The following COL4A5 variants were observed in gnomAD, a reference collection of about 807,000 sequenced individuals.
COL4A5 encodes the protein collagen alpha-5(IV) chain.
In COL4A5, 26 loss-of-function variants were observed where a neutral mutation model predicts 130.2. The observed-to-expected ratio is 0.20, with a 90% confidence interval of 0.15 to 0.28. The LOEUF is 0.28. COL4A5 is among the 10% of genes least tolerant of loss of function. COL4A5 has a pLI of 1.00. For missense variants in COL4A5, 1,131 were observed against 1,344.3 expected, an observed-to-expected ratio of 0.84 and a Z score of 2.48; for synonymous variants, 496 against 439.6, an observed-to-expected ratio of 1.13 and a Z score of -1.60.
intron 1 of COL4A5, among the ~76,000 whole-genome samples, chrX:108,472,181 A>T (rs984661241): frequency 9.0e-6 from 1 of 111,448 alleles, no homozygotes; most frequent in Non-Finnish European, 1.9e-5. Flanking sequence ...TTGTAGTTTA[A>T]TTCCATTGTG....
intron 29 of COL4A5, among the ~76,000 whole-genome samples, chrX:108,608,580 CA>C (rs2066774787): frequency 9.0e-6 from 1 of 111,115 alleles, no homozygotes; most frequent in African/African-American, 3.3e-5. Context: ...AAATAAATTA[CA>C]ACAACAATAT....
Position 108,475,732 on chromosome X carries a change from A to G in COL4A5, c.81+35526A>G, listed in dbSNP as rs779105214. 2.7e-5 allele frequency among the ~76,000 whole-genome samples: 3 copies of G among 111,187 alleles called. No homozygotes were observed. In the South Asian group the frequency reaches 1.2e-3, roughly 43 times the overall value. ...CAGGCCTAGAGCCCCTTCATGTTTT[A>G]CTAACTCTGGCACCAAAACTCAATT... On this transcript the variant is annotated intron_variant, in intron 1 of 52. Coordinates refer to ENST00000328300, the MANE Select transcript of COL4A5 (RefSeq NM_033380.3).
intron 1 of COL4A5, among the ~76,000 whole-genome samples, chrX:108,459,822 G>C (rs2064624830): frequency 8.9e-6 from 1 of 111,983 alleles, no homozygotes; most frequent in Non-Finnish European, 1.9e-5. Context: ...TGCCTGTGAA[G>C]TCTAAAAAGA....
chrX:108,474,369 C>T (rs774506550), intron 1 of COL4A5, among the ~76,000 whole-genome samples: 6 of 111,875 alleles, frequency 5.4e-5, no homozygotes, highest in African/African-American at 1.6e-4. Context: ...CATTGTGTTA[C>T]AGTTGCCTAC....
At chrX:108,446,911 C>G (rs1677897312) in intron 1 of COL4A5, among the ~76,000 whole-genome samples, 2 of 111,651 alleles carry the variant, frequency 1.8e-5, no homozygotes, top group Non-Finnish European at 3.8e-5. Flanking sequence ...GGCCGTTCAT[C>G]CTTAAGGGCT....
chrX:108,470,710 T>A (rs1248115932), intron 1 of COL4A5, among the ~76,000 whole-genome samples: 5 of 111,447 alleles, frequency 4.5e-5, no homozygotes, highest in Non-Finnish European at 9.4e-5. Context: ...TAGTCATAAA[T>A]TATTTCCCAA....
chrX:108,505,113 T>C (rs1447611805), intron 1 of COL4A5, among the ~76,000 whole-genome samples: 2 of 111,679 alleles, frequency 1.8e-5, no homozygotes, highest in Non-Finnish European at 3.8e-5. Flanking sequence ...GCCATTATTT[T>C]AAGTGATGTA....
In COL4A5 at chrX:108,685,104, C is replaced by T. The variant is rs745802799; in HGVS notation, c.4217-927C>T. 3.6e-5 allele frequency among the ~76,000 whole-genome samples: 4 copies of T among 112,210 alleles called. No homozygotes were observed. The South Asian group carries it at 1.5e-3, about 41-fold the overall frequency. On this transcript the variant is annotated intron_variant, in intron 47 of 52. Coordinates refer to ENST00000328300, the MANE Select transcript of COL4A5 (RefSeq NM_033380.3). ...AAGTAGGTATTGATGGAACATATCT[C>T]AAAATAATAAGAGCTATTTATGACA...
rs193038575 is a variant in COL4A5, at chrX:108,507,314, A to C, written c.82-32432A>C. Among the ~76,000 whole-genome samples, 377 of 110,481 alleles carry C rather than the reference A, an allele frequency of 3.4e-3. 1 individual carries two copies. The highest frequency in any genetic ancestry group is 5.8e-3 in the Non-Finnish European group (305 of 52,826). The stretch of plus-strand genomic sequence containing the variant: ...CAATGTCCCTGAACATCAGTGCAAA[A>C]ATCCTCAACAATATAGTTGCACACA... On this transcript the variant is annotated intron_variant, in intron 1 of 52. Transcript: ENST00000328300.
intron 1 of COL4A5, among the ~76,000 whole-genome samples, chrX:108,483,233 GTGTGTGTGTGTGTGTA>G (rs2064910028): frequency 9.1e-6 from 1 of 110,321 alleles, no homozygotes; most frequent in African/African-American, 3.3e-5. Context: ...ATGTGTGTGT[GTGTGTGTGTGTGTGTA>G]TGTAAAGGGG....
intron 1 of COL4A5, 152 bp downstream of exon 1, chrX:108,440,358 A>G: frequency 1.1e-5 from 5 of 469,675 alleles, no homozygotes; most frequent in Non-Finnish European, 1.9e-5. Flanking sequence ...CGTTATTTGC[A>G]ACACCGGTAA....
chrX:108,444,673 C>T (rs1450944978), intron 1 of COL4A5, among the ~76,000 whole-genome samples: 1 of 111,788 alleles, frequency 8.9e-6, no homozygotes, highest in Non-Finnish European at 1.9e-5. Context: ...GCCTCTAGGC[C>T]CTCTCAGCAG....
chrX:108,578,620 C>A (rs1408829768), intron 13 of COL4A5, among the ~76,000 whole-genome samples: 1 of 109,022 alleles, frequency 9.2e-6, no homozygotes, highest in East Asian at 2.8e-4. Flanking sequence ...GCATTATAAG[C>A]TGAAATGTGG....
intron 3 of COL4A5, among the ~76,000 whole-genome samples, chrX:108,562,489 A>G (rs1167626944): frequency 8.9e-6 from 1 of 112,203 alleles, no homozygotes; most frequent in Non-Finnish European, 1.9e-5. Flanking sequence ...GGACTATTCT[A>G]CAATAACATG....
chrX:108,666,435 G>A lies in COL4A5; in HGVS notation c.3455-61G>A, dbSNP rs748537080. ...TTTTGGATAAAGAAGGGAGCATATG[G>A]AAGTAAAAGGGAGTTGGAAATTGGA... On this transcript the variant is annotated intron_variant, in intron 38 of 52. Transcript: ENST00000328300. The A allele has an allele frequency of 1.5e-5, 13 of 840,181 alleles. No homozygotes were observed. The South Asian group carries it at 2.6e-4, about 17-fold the overall frequency. 69.2% of individuals were successfully genotyped at this position (840,181 alleles called of 1,213,427 possible). A position where few individuals can be genotyped will look rare whatever the true frequency, so the allele number is the denominator to read the frequency against.
At chrX:108,562,828 T>C (rs2065915475) in intron 3 of COL4A5, among the ~76,000 whole-genome samples, 1 of 111,646 alleles carries the variant, frequency 9.0e-6, no homozygotes, top group African/African-American at 3.2e-5. Flanking sequence ...TCAAATTTAG[T>C]TAATTTTGAT....
At chrX:108,598,256 A>G (rs903506707) in intron 24 of COL4A5, among the ~76,000 whole-genome samples, 1 of 111,837 alleles carries the variant, frequency 8.9e-6, no homozygotes, top group Non-Finnish European at 1.9e-5. Flanking sequence ...GTTTCTATAT[A>G]TATAGTAAGC....
chrX:108,542,928 A>G (rs779985506), intron 2 of COL4A5, among the ~76,000 whole-genome samples: 97 of 108,021 alleles, frequency 9.0e-4, no homozygotes, highest in African/African-American at 3.1e-3. Context: ...GTCTGTTCAT[A>G]TCCTTTGCCC....
intron 42 of COL4A5, among the ~76,000 whole-genome samples, chrX:108,671,493 T>A (rs1056828161): frequency 5.3e-5 from 6 of 112,159 alleles, no homozygotes; most frequent in African/African-American, 1.9e-4. Flanking sequence ...GTTTTACCTA[T>A]GTCGAGGAGA....
Sources: allele counts gnomAD v4.1 joint callset (sites outside exome capture counted in the v4.1 genomes callset), GRCh38; gene constraint gnomAD v4.1.1; transcripts MANE v1.5; gene names NCBI Gene and HGNC (gene_info 2026-07-23, HGNC 2026-07-21).